CR2: variants seen among roughly 807,000 people sequenced by gnomAD.
CR2 encodes complement C3d receptor 2.
In CR2, 96 loss-of-function variants were observed where a neutral mutation model predicts 123.0. That is an observed-to-expected ratio of 0.78 (90% CI 0.66 to 0.93). The LOEUF is 0.93. Ranked by LOEUF, CR2 falls within the 40% of genes least tolerant of loss-of-function variation. CR2 has a pLI of 0.00. For missense variants in CR2, 1,258 were observed against 1,361.0 expected (o/e 0.92, Z 1.19); for synonymous variants, 484 against 469.5 (o/e 1.03, Z -0.40).
intron 8 of CR2, 73 bp downstream of exon 8, chr1:207,471,160 T>A (rs1272009002): frequency 7.0e-7 from 1 of 1,436,018 alleles, no homozygotes; most frequent in East Asian, 2.3e-5. Context: ...TGTAAGAGTT[T>A]GTATCAGTAC....
At chr1:207,475,587 C>T (rs1468336878) in intron 14 of CR2, among the ~76,000 whole-genome samples, 2 of 152,186 alleles carry the variant, frequency 1.3e-5, no homozygotes, top group African/African-American at 4.8e-5. Flanking sequence ...AGAAAGAGAA[C>T]TTTGGGTGTT....
In CR2 at chr1:207,466,895, T is replaced by C. The variant is rs756014299; in HGVS notation, c.428T>C (p.Leu143Pro). Residue 143 changes from leucine to proline, a missense_variant, in exon 2 of 20, where the codon CTA becomes CCA. By Grantham distance (98) the Leu-to-Pro change is moderately conservative (BLOSUM62 -3). Transcript: ENST00000367057. ...AATAATATGTGGGGGCCGACACGAC[T>C]ACCAACCTGTGTAAGTGGTGAGTAT... is the stretch of plus-strand genomic sequence containing the variant. ...QANNMWGPTR[L>P]PTCVSVFPLE... is the part of the protein sequence containing the mutation. 12 of 1,599,180 alleles carry C rather than the reference T, an allele frequency of 7.5e-6. No homozygotes were observed. Among genetic ancestry groups the C allele is most frequent in the Non-Finnish European group, 9.4e-6 (11 of 1,173,512 alleles).
Position 207,473,790 on chromosome 1 carries a change from T to G in CR2, c.2156-11T>G. On this transcript the variant is annotated splice_polypyrimidine_tract_variant and intron_variant, in intron 11 of 19. Coordinates refer to ENST00000367057, the MANE Select transcript of CR2 (RefSeq NM_001006658.3). ...TCTATAAATACTGTAATTCCATCCT[T>G]GCTTCTCCAGAAACATGCCAGCATG... 2 of 1,613,994 alleles carry G rather than the reference T, an allele frequency of 1.2e-6. No homozygotes were observed. The highest frequency in any genetic ancestry group is 1.7e-6 in the Non-Finnish European group (2 of 1,179,882).
At chr1:207,467,210 A>G (rs1245731634) in intron 2 of CR2, among the ~76,000 whole-genome samples, 1 of 152,098 alleles carries the variant, frequency 6.6e-6, no homozygotes. Flanking sequence ...GGGATGTGGG[A>G]ATGGGGTGGT....
rs1657786460 is a variant in CR2 at position 207,454,718 on chromosome 1, G to A, written c.58+242G>A. ...CTGCGCCACAGAGGGGCGCTGTCTG[G>A]TCGGCCCGGTGTGGCTGGCGGCGTG... On this transcript the variant is annotated intron_variant, in intron 1 of 19. Transcript: ENST00000367057. This position sits in a 1 kb window ranked among gnomAD's most constrained non-coding sequence, Gnocchi z 4.3. 2 of 460,826 alleles carry A rather than the reference G, an allele frequency of 4.3e-6. No individual in the cohort carries two copies. The highest frequency in any genetic ancestry group is 8.0e-5 in the Admixed American group (2 of 24,926). 28.5% of individuals were successfully genotyped at this position (460,826 alleles called of 1,614,324 possible).
chr1:207,466,553 T>C lies in CR2; in HGVS notation c.86T>C (p.Ile29Thr). 4.3e-6 allele frequency: 7 copies of C among 1,614,132 alleles called. No homozygotes were observed. Among genetic ancestry groups the C allele is most frequent in the Non-Finnish European group, 5.9e-6 (7 of 1,180,004 alleles). ...LGISCGSPPPILNGRISYYST... is the reference protein window; with the variant it reads ...LGISCGSPPPTLNGRISYYST... Reference sequence around the variant, plus strand: ...ATTTCTTGTGGCTCTCCTCCGCCTATCCTAAATGGCCGGATTAGTTATTAT... The same window carrying C: ...ATTTCTTGTGGCTCTCCTCCGCCTACCCTAAATGGCCGGATTAGTTATTAT... Residue 29 changes from isoleucine (I) to threonine (T), a missense_variant, in exon 2 of 20, where the codon ATC (isoleucine) becomes ACC (threonine). Transcript: ENST00000367057.
intron 17 of CR2, 70 bp from the exon 18 acceptor site, chr1:207,479,908 C>T: frequency 8.8e-7 from 1 of 1,138,824 alleles, no homozygotes. Context: ...AGCAATAGGC[C>T]CTGCAATCAG....
rs868825828 is a variant in CR2, at chr1:207,454,636, C to T, written c.58+160C>T. On this transcript the variant is annotated intron_variant, in intron 1 of 19. Transcript: ENST00000367057. This position sits in a 1 kb window ranked among gnomAD's most constrained non-coding sequence, Gnocchi z 4.3. ...TTGAGGGACCACTGCAATAAACCGC[C>T]TGGTCCTGATTGTCCCCACTGGCCC... 9.8e-6 allele frequency: 6 copies of T among 610,198 alleles called. No individual in the cohort carries two copies. The highest frequency in any genetic ancestry group is 3.2e-5 in the Admixed American group (1 of 31,354). 37.8% of individuals were successfully genotyped at this position (610,198 alleles called of 1,614,324 possible).
intron 1 of CR2, among the ~76,000 whole-genome samples, chr1:207,465,040 C>A (rs1658059973): frequency 1.3e-5 from 2 of 152,138 alleles, no homozygotes; most frequent in Admixed American, 6.5e-5. Context: ...AAGCGATTCT[C>A]CTGTCTCAGC....
chr1:207,472,640 A>G, intron 9 of CR2, 132 bp from the exon 10 acceptor site: 1 of 851,670 alleles, frequency 1.2e-6, no homozygotes, highest in Non-Finnish European at 1.9e-6. Flanking sequence ...GCTTTCACAC[A>G]ACTCACATCA....
chr1:207,474,881 C>A lies in CR2; in HGVS notation c.2381C>A (p.Ala794Glu), dbSNP rs1658390177. 1 of 1,614,010 alleles carries A rather than the reference C, an allele frequency of 6.2e-7. No homozygotes were observed. Residue 794 changes from alanine to glutamate, a missense_variant, in exon 14 of 20, where the codon GCA (alanine) becomes GAA (glutamate). Physicochemically the swap from Ala to Glu is moderately radical, Grantham distance 107. Transcript: ENST00000367057. ...AATGGGAAGCACACAGGCATGATGG[C>A]AGAAAACTTTCTATATGGAAATGAA... is the stretch of plus-strand genomic sequence containing the variant. ...IVNGKHTGMM[A>E]ENFLYGNEVS...
chr1:207,487,375 T>G (rs1032319963), intron 19 of CR2, among the ~76,000 whole-genome samples: 9 of 152,212 alleles, frequency 5.9e-5, no homozygotes, highest in African/African-American at 2.2e-4. Context: ...CAGCCTCTAC[T>G]TCCTAGGTTC....
chr1:207,454,394 C>T lies in CR2; in HGVS notation c.-25C>T, dbSNP rs1346740035. On this transcript the variant is annotated 5_prime_UTR_variant, in exon 1 of 20. Coordinates refer to ENST00000367057, the MANE Select transcript of CR2 (RefSeq NM_001006658.3). This position sits in a 1 kb window ranked among gnomAD's most constrained non-coding sequence, Gnocchi z 4.3. ...ACGCTCGCGGGTCTCGGAACGCATC[C>T]CGCCGCGGGGGCTTCGGCCGTGGCA... is the stretch of plus-strand genomic sequence containing the variant. 2 of 1,565,240 alleles carry T rather than the reference C, an allele frequency of 1.3e-6. No homozygotes were observed. The highest frequency in any genetic ancestry group is 1.3e-5 in the African/African-American group (1 of 74,330).
intron 18 of CR2, among the ~76,000 whole-genome samples, chr1:207,481,436 A>G (rs1255386195): frequency 6.6e-6 from 1 of 152,100 alleles, no homozygotes; most frequent in African/African-American, 2.4e-5. Context: ...GAGCTACTCT[A>G]TTAATAAATG....
chr1:207,466,917 G>C lies in CR2; in HGVS notation c.445+5G>C. 1 of 1,575,930 alleles carries C rather than the reference G, an allele frequency of 6.3e-7. No individual in the cohort carries two copies. The highest frequency in any genetic ancestry group is 8.6e-7 in the Non-Finnish European group (1 of 1,163,996). On this transcript the variant is annotated splice_donor_5th_base_variant and intron_variant, in intron 2 of 19. Coordinates refer to ENST00000367057, the MANE Select transcript of CR2 (RefSeq NM_001006658.3). ...GACTACCAACCTGTGTAAGTGGTGA[G>C]TATGAAAAGAAAGCTGGGTTGGGAG...
chr1:207,473,516 G>C (rs752290891), intron 10 of CR2, 29 bp from the exon 11 acceptor site: 42 of 1,602,926 alleles, frequency 2.6e-5, no homozygotes, highest in Non-Finnish European at 3.5e-5. Context: ...CTCTGTGTTG[G>C]TATTTATGTA....
At chr1:207,466,995 A>G in intron 2 of CR2, 83 bp downstream of exon 2, 1 of 1,452,246 alleles carries the variant, frequency 6.9e-7, no homozygotes, top group Non-Finnish European at 9.2e-7. Context: ...CCTGAAGGAC[A>G]AACAGTGTGA....
intron 2 of CR2, chr1:207,468,263 C>G: frequency 2.0e-6 from 1 of 504,512 alleles, no homozygotes. Flanking sequence ...ACTCGCTACC[C>G]GTGGACAGCA....
At position 207,454,768 on chromosome 1, in the gene CR2, G is replaced by T; in HGVS notation, c.58+292G>T. The T allele has an allele frequency of 2.5e-6, 1 of 394,458 alleles. No individual in the cohort carries two copies. The highest frequency in any genetic ancestry group is 4.7e-5 in the South Asian group (1 of 21,408). 24.4% of individuals were successfully genotyped at this position (394,458 alleles called of 1,614,324 possible). ...GCGGGTGCTCGCGGTCTCCTGCCGGGCTCCCCGCCCCCAGGATTCTGCAGG... is the reference window on the plus strand; with the variant it reads ...GCGGGTGCTCGCGGTCTCCTGCCGGTCTCCCCGCCCCCAGGATTCTGCAGG... On this transcript the variant is annotated intron_variant, in intron 1 of 19. Coordinates refer to ENST00000367057, the MANE Select transcript of CR2 (RefSeq NM_001006658.3). The surrounding 1 kb of genome is among the most constrained non-coding windows in gnomAD (Gnocchi z 4.3).
Sources: allele counts gnomAD v4.1 joint callset (sites outside exome capture counted in the v4.1 genomes callset), GRCh38; gene constraint gnomAD v4.1.1; non-coding constraint Gnocchi (gnomAD v3.1); transcripts MANE v1.5; gene names NCBI Gene and HGNC (gene_info 2026-07-23, HGNC 2026-07-21).